The following WWOX variants were observed in gnomAD, a reference collection of about 807,000 sequenced individuals.
The protein encoded by WWOX is WW domain containing oxidoreductase, also known as WW domain-containing oxidoreductase.
WWOX carries 69 observed loss-of-function variants against 46.2 expected under a neutral mutation model. The ratio of observed to expected loss-of-function variants is 1.49; its 90% CI spans 1.23 to 1.82. The LOEUF is 1.82. Ranked by LOEUF, WWOX falls within the 40% of genes most tolerant of loss-of-function variation. The pLI is 0.00. For missense variants in WWOX, 919 were observed against 542.6 expected (o/e 1.69, Z -6.89); for synonymous variants, 359 against 202.6 (o/e 1.77, Z -6.56).
At chr16:79,051,018 C>T (rs564997745) in intron 8 of WWOX, among the ~76,000 whole-genome samples, 9 of 152,340 alleles carry the variant, frequency 5.9e-5, no homozygotes, top group Non-Finnish European at 1.0e-4. Context: ...CACGGCTCTT[C>T]GCCCATTAAC....
Position 78,802,312 on chromosome 16 carries a change from C to G in WWOX, c.1056+369560C>G, listed in dbSNP as rs537502550. ...CGGGTGTTTCATTTTCCCAGCAATG[C>G]TATAGGACACAGAAAGGAACATAAA... On this transcript the variant is annotated intron_variant, in intron 8 of 8. Coordinates refer to ENST00000566780, the MANE Select transcript of WWOX (RefSeq NM_016373.4). 4.2e-5 allele frequency among the ~76,000 whole-genome samples: 6 copies of G among 144,532 alleles called. No individual in the cohort carries two copies. In the South Asian group the frequency reaches 1.3e-3, roughly 32 times the overall value. 94.8% of individuals were successfully genotyped at this position (144,532 alleles called of 152,430 possible).
At chr16:78,832,074 G>C (rs1207784689) in intron 8 of WWOX, among the ~76,000 whole-genome samples, 1 of 152,172 alleles carries the variant, frequency 6.6e-6, no homozygotes, top group Admixed American at 6.5e-5. Context: ...CATTGTCTTT[G>C]TGGGTCAGGA....
In WWOX at chr16:78,416,242, G is replaced by T. The variant is rs184286947; in HGVS notation, c.606-8628G>T. ...GTCTGTAAATATTCATCATCTCAGAGCCTTTTGAATTGCAATGGCTTTTAG... is the reference window on the plus strand; with the variant it reads ...GTCTGTAAATATTCATCATCTCAGATCCTTTTGAATTGCAATGGCTTTTAG... On this transcript the variant is annotated intron_variant, in intron 6 of 8. Coordinates refer to ENST00000566780, the MANE Select transcript of WWOX (RefSeq NM_016373.4). 8.2e-4 allele frequency among the ~76,000 whole-genome samples: 125 copies of T among 152,248 alleles called. 1 individual carries two copies. The highest frequency in any genetic ancestry group is 2.9e-3 in the African/African-American group (121 of 41,532).
chr16:78,639,039 T>A (rs940714646), intron 8 of WWOX, among the ~76,000 whole-genome samples: 1 of 152,126 alleles, frequency 6.6e-6, no homozygotes, highest in African/African-American at 2.4e-5. Flanking sequence ...ACCCGTCTTA[T>A]GGGGGATGAA....
intron 8 of WWOX, among the ~76,000 whole-genome samples, chr16:78,780,885 T>C (rs1170204820): frequency 1.3e-5 from 2 of 152,184 alleles, no homozygotes; most frequent in Non-Finnish European, 2.9e-5. Flanking sequence ...TGATGTTTTT[T>C]AAAGATCTGT....
intron 5 of WWOX, among the ~76,000 whole-genome samples, chr16:78,250,500 T>C (rs552323313): frequency 1.3e-5 from 2 of 152,240 alleles, no homozygotes; most frequent in East Asian, 3.9e-4. Context: ...ACTATTGGTA[T>C]TGTAAGGACT....
chr16:78,962,674 G>A (rs936007657), intron 8 of WWOX, among the ~76,000 whole-genome samples: 4 of 152,052 alleles, frequency 2.6e-5, no homozygotes, highest in African/African-American at 9.7e-5. Flanking sequence ...CTACGGTAAG[G>A]TGCACACACA....
intron 3 of WWOX, among the ~76,000 whole-genome samples, chr16:78,113,785 G>A (rs2032623825): frequency 6.6e-6 from 1 of 152,120 alleles, no homozygotes; most frequent in Admixed American, 6.5e-5. Context: ...CTGCTCTGTT[G>A]TGTGTGTATA....
At chr16:78,523,982 A>C (rs1037434568) in intron 8 of WWOX, among the ~76,000 whole-genome samples, 3 of 152,214 alleles carry the variant, frequency 2.0e-5, no homozygotes, top group Admixed American at 1.3e-4. Context: ...ATGTGCTACT[A>C]TACAAATACA....
intron 5 of WWOX, among the ~76,000 whole-genome samples, chr16:78,300,440 A>G (rs2080019259): frequency 6.6e-6 from 1 of 151,648 alleles, no homozygotes; most frequent in Admixed American, 6.6e-5. Context: ...CCACCTTTTT[A>G]TTCTCTAATC....
intron 8 of WWOX, among the ~76,000 whole-genome samples, chr16:78,629,071 T>G (rs374866727): frequency 6.6e-6 from 1 of 152,212 alleles, no homozygotes; most frequent in Non-Finnish European, 1.5e-5. Context: ...TTATTGTGCT[T>G]ACATATTTCA....
At chr16:78,655,246 C>T (rs560987281) in intron 8 of WWOX, among the ~76,000 whole-genome samples, 22 of 152,262 alleles carry the variant, frequency 1.4e-4, no homozygotes, top group Non-Finnish European at 2.6e-4. Flanking sequence ...CATCTGGCTT[C>T]TCAGGGTGGT....
chr16:78,180,884 G>A (rs77885266), intron 5 of WWOX, among the ~76,000 whole-genome samples: 2,066 of 152,238 alleles, frequency 0.014, 44 homozygotes, highest in African/African-American at 0.034. Context: ...GGGTGTCATC[G>A]AGAGAGAGAA....
intron 2 of WWOX, among the ~76,000 whole-genome samples, chr16:78,108,978 A>G (rs1484950886): frequency 6.6e-6 from 1 of 152,176 alleles, no homozygotes; most frequent in Non-Finnish European, 1.5e-5. Flanking sequence ...ACAGAGTGAG[A>G]TGCTGTCTGA....
chr16:78,921,430 G>T (rs546958450), intron 8 of WWOX, among the ~76,000 whole-genome samples: 1 of 152,170 alleles, frequency 6.6e-6, no homozygotes, highest in Non-Finnish European at 1.5e-5. Flanking sequence ...GAATCCTGAA[G>T]CATTTGAGCT....
At chr16:78,668,731 C>T (rs2550647) in intron 8 of WWOX, among the ~76,000 whole-genome samples, 88,728 of 151,784 alleles carry the variant, frequency 0.58, 26,173 homozygotes, top group Admixed American at 0.67. Context: ...AGGTAGACCA[C>T]CCTGGAAGTT....
At chr16:78,889,277 A>AT (rs910280117) in intron 8 of WWOX, among the ~76,000 whole-genome samples, 1 of 151,992 alleles carries the variant, frequency 6.6e-6, no homozygotes, top group African/African-American at 2.4e-5. Context: ...ATATCTAATT[A>AT]TTTTCACACT....
At chr16:78,434,660 G>A (rs1033324503) in intron 8 of WWOX, among the ~76,000 whole-genome samples, 12 of 152,132 alleles carry the variant, frequency 7.9e-5, no homozygotes, top group African/African-American at 1.4e-4. Flanking sequence ...TAAGGAGCTC[G>A]GTTCAGTGGC....
At chr16:78,246,927 G>A (rs929169692) in intron 5 of WWOX, among the ~76,000 whole-genome samples, 2 of 152,106 alleles carry the variant, frequency 1.3e-5, no homozygotes, top group Non-Finnish European at 2.9e-5. Context: ...CCACAAGAAT[G>A]CAAGATGTCC....
Sources: gnomAD v4.1 joint callset for allele counts (sites outside exome capture counted in the v4.1 genomes callset) on GRCh38, gnomAD v4.1.1 for gene constraint, MANE v1.5 for transcripts, NCBI Gene and HGNC (gene_info 2026-07-23, HGNC 2026-07-21) for gene names.